The following FHIT variants were observed in gnomAD, a reference collection of about 807,000 sequenced individuals.
FHIT encodes fragile histidine triad diadenosine triphosphatase, also known as bis(5'-adenosyl)-triphosphatase.
In FHIT, 19 loss-of-function variants were observed where a neutral mutation model predicts 17.9. That is an observed-to-expected ratio of 1.06 (90% CI 0.74 to 1.56). The LOEUF is 1.56. Ranked by LOEUF, FHIT falls within the 40% of genes most tolerant of loss-of-function variation. FHIT has a pLI of 0.00. For synonymous variants in FHIT, 81 were observed against 69.7 expected (o/e 1.16, Z -0.81); for missense variants, 248 against 189.2 (o/e 1.31, Z -1.82).
intron 4 of FHIT, among the ~76,000 whole-genome samples, chr3:60,694,918 G>A (rs782152417): frequency 2.6e-5 from 4 of 152,018 alleles, no homozygotes; most frequent in Non-Finnish European, 5.9e-5. Context: ...CTGTTGTGGG[G>A]TGTGGGGGTG....
At chr3:61,021,245 C>T (rs1241284878) in intron 3 of FHIT, among the ~76,000 whole-genome samples, 8 of 152,180 alleles carry the variant, frequency 5.3e-5, no homozygotes, top group African/African-American at 1.9e-4. Context: ...AGCACCACAT[C>T]GCACTTATTC....
At chr3:60,074,524 A>C (rs560661405) in intron 5 of FHIT, among the ~76,000 whole-genome samples, 5 of 152,046 alleles carry the variant, frequency 3.3e-5, no homozygotes, top group African/African-American at 1.2e-4. Context: ...TCATTCAGCA[A>C]ATGTGTGGAT....
intron 1 of FHIT, among the ~76,000 whole-genome samples, chr3:61,247,680 G>A (rs1349715815): frequency 6.6e-6 from 1 of 152,168 alleles, no homozygotes; most frequent in Non-Finnish European, 1.5e-5. Flanking sequence ...AAGAAAACAA[G>A]TGGCAAACAA....
At chr3:60,165,554 C>G (rs547031659) in intron 5 of FHIT, among the ~76,000 whole-genome samples, 31 of 152,174 alleles carry the variant, frequency 2.0e-4, no homozygotes, top group Non-Finnish European at 4.1e-4. Flanking sequence ...GCTTGGAAGA[C>G]CACAATATTT....
chr3:59,960,072 T>G (rs1430620571), intron 7 of FHIT, among the ~76,000 whole-genome samples: 1 of 151,558 alleles, frequency 6.6e-6, no homozygotes, highest in African/African-American at 2.4e-5. Context: ...TGGACCATAT[T>G]AAGGTGCATA....
At chr3:60,124,001 TATATATATAG>T (rs1559653619) in intron 5 of FHIT, among the ~76,000 whole-genome samples, 17 of 27,956 alleles carry the variant, frequency 6.1e-4, no homozygotes, top group African/African-American at 9.2e-4. Flanking sequence ...TATATATATA[TATATATATAG>T]AGAGAGAGAG....
intron 8 of FHIT, among the ~76,000 whole-genome samples, chr3:59,863,313 C>T (rs140516458): frequency 9.2e-5 from 14 of 152,334 alleles, no homozygotes; most frequent in African/African-American, 3.1e-4. Context: ...TCCCAAATAA[C>T]AAGTCCTCTA....
At chr3:61,221,360 A>C (rs1229983846) in intron 1 of FHIT, among the ~76,000 whole-genome samples, 1 of 152,256 alleles carries the variant, frequency 6.6e-6, no homozygotes, top group Admixed American at 6.5e-5. Context: ...AATTTGAGAA[A>C]AAGAGGTTCA....
At chr3:60,449,008 C>T (rs2031536350) in intron 5 of FHIT, among the ~76,000 whole-genome samples, 1 of 152,134 alleles carries the variant, frequency 6.6e-6, no homozygotes, top group South Asian at 2.1e-4. Flanking sequence ...CTGCTCTTTT[C>T]CACAAGTTTC....
rs370557361 is a variant in FHIT, at chr3:60,985,033, T to C, written c.-111+57014A>G. Among the ~76,000 whole-genome samples the C allele has an allele frequency of 5.3e-5, 8 of 152,242 alleles. No individual in the cohort carries two copies. The South Asian group carries it at 8.3e-4, about 16-fold the overall frequency. On this transcript the variant is annotated intron_variant, in intron 3 of 9. Transcript: ENST00000492590. Reference sequence around the variant, plus strand: ...CAATGGTGAGAATCTAGAGTTTGCCTTCTAAAGCCCACATTCCTCATATTA... The same window carrying C: ...CAATGGTGAGAATCTAGAGTTTGCCCTCTAAAGCCCACATTCCTCATATTA...
intron 5 of FHIT, among the ~76,000 whole-genome samples, chr3:60,452,918 G>T (rs2031842701): frequency 6.6e-6 from 1 of 152,096 alleles, no homozygotes. Flanking sequence ...TTCATATAAA[G>T]ACCTGACTCC....
intron 5 of FHIT, among the ~76,000 whole-genome samples, chr3:60,245,343 T>C (rs1255004825): frequency 6.6e-5 from 10 of 152,162 alleles, no homozygotes; most frequent in Non-Finnish European, 4.4e-5. Context: ...AGAGGGCCCA[T>C]AGCATAAGCT....
intron 5 of FHIT, among the ~76,000 whole-genome samples, chr3:60,045,318 T>C (rs1284374433): frequency 6.6e-6 from 1 of 152,194 alleles, no homozygotes; most frequent in Non-Finnish European, 1.5e-5. Flanking sequence ...CAGTTCCACA[T>C]GGCTGGGGAG....
intron 8 of FHIT, 134 bp downstream of exon 8, chr3:59,922,212 T>C (rs1258161231): frequency 1.3e-6 from 1 of 778,174 alleles, no homozygotes; most frequent in African/African-American, 1.7e-5. Flanking sequence ...TGGCCTCTAT[T>C]GCCACTTTCC....
intron 4 of FHIT, among the ~76,000 whole-genome samples, chr3:60,579,251 G>A (rs1327027656): frequency 6.6e-6 from 1 of 152,146 alleles, no homozygotes; most frequent in African/African-American, 2.4e-5. Context: ...GCTATATGCT[G>A]TAACCTATTG....
At chr3:60,082,375 T>G (rs577646724) in intron 5 of FHIT, among the ~76,000 whole-genome samples, 2 of 152,154 alleles carry the variant, frequency 1.3e-5, no homozygotes, top group African/African-American at 2.4e-5. Flanking sequence ...TAATCCACCA[T>G]TGATGGGCAC....
At chr3:60,624,063 A>G (rs375465606) in intron 4 of FHIT, among the ~76,000 whole-genome samples, 2 of 152,244 alleles carry the variant, frequency 1.3e-5, no homozygotes, top group Admixed American at 6.5e-5. Flanking sequence ...CTCAGAGCAC[A>G]TTCAAAAGGG....
chr3:59,752,853 A>G (rs1331863159), intron 8 of FHIT, among the ~76,000 whole-genome samples: 1 of 152,150 alleles, frequency 6.6e-6, no homozygotes, highest in East Asian at 1.9e-4. Context: ...AGAAACCAGG[A>G]GCCAATTAAA....
chr3:61,178,607 C>A (rs2038229472), intron 2 of FHIT, among the ~76,000 whole-genome samples: 1 of 151,294 alleles, frequency 6.6e-6, no homozygotes, highest in African/African-American at 2.4e-5. Flanking sequence ...AAGGTAGAAA[C>A]CTTAAGATAT....
Sources: gnomAD v4.1 joint callset for allele counts (sites outside exome capture counted in the v4.1 genomes callset) on GRCh38, gnomAD v4.1.1 for gene constraint, MANE v1.5 for transcripts, NCBI Gene and HGNC (gene_info 2026-07-23, HGNC 2026-07-21) for gene names.